GNG2: variants seen among roughly 807,000 people sequenced by gnomAD.
The protein encoded by GNG2 is guanine nucleotide-binding protein G(I)/G(S)/G(O) subunit gamma-2.
A neutral mutation model predicts 5.5 loss-of-function variants in GNG2; 5 were observed. That is an observed-to-expected ratio of 0.91 (90% CI 0.48 to 1.92). The LOEUF (loss-of-function observed/expected upper bound fraction) is 1.92, where lower values mean the gene tolerates loss of function less well. Among genes scored for constraint, GNG2 ranks in the 30% most tolerant of loss-of-function variants. GNG2 has a pLI of 0.01. For missense variants in GNG2, 55 were observed against 88.4 expected (o/e 0.62, Z 1.52); for synonymous variants, 28 against 32.0 (o/e 0.88, Z 0.42).
chr14:51,854,813 G>A (rs556755777), intron 2 of GNG2, among the ~76,000 whole-genome samples: 22 of 152,132 alleles, frequency 1.4e-4, no homozygotes, highest in East Asian at 1.2e-3. Context: ...GCACCCGGCC[G>A]GCCGTGGCTC....
intron 2 of GNG2, among the ~76,000 whole-genome samples, chr14:51,878,524 C>G (rs1481232231): frequency 1.3e-5 from 2 of 152,050 alleles, no homozygotes; most frequent in Non-Finnish European, 2.9e-5. Flanking sequence ...TTAGGGGATA[C>G]AGCAAATGCT....
intron 2 of GNG2, among the ~76,000 whole-genome samples, chr14:51,932,140 G>A (rs953906489): frequency 6.0e-5 from 9 of 151,160 alleles, no homozygotes; most frequent in East Asian, 2.0e-4. Flanking sequence ...CCAGCTACTT[G>A]GGAGGCTGAG....
chr14:51,885,990 C>G (rs1310212042), intron 2 of GNG2, among the ~76,000 whole-genome samples: 15 of 152,144 alleles, frequency 9.9e-5, no homozygotes, highest in Non-Finnish European at 2.1e-4. Flanking sequence ...GATAATACCT[C>G]TCAATGAGGA....
At chr14:51,851,266 A>G (rs1881895576) in intron 2 of GNG2, among the ~76,000 whole-genome samples, 1 of 152,194 alleles carries the variant, frequency 6.6e-6, no homozygotes. Flanking sequence ...AAAAGATATA[A>G]CTTGGCTCCC....
chr14:51,892,038 A>C (rs762629189), intron 2 of GNG2, among the ~76,000 whole-genome samples: 1 of 152,240 alleles, frequency 6.6e-6, no homozygotes, highest in Non-Finnish European at 1.5e-5. Flanking sequence ...TTAGCAGTAT[A>C]AGAGTTCCTC....
intron 1 of GNG2, 28 bp downstream of exon 1, chr14:51,860,818 G>A (rs1286040578): frequency 6.6e-6 from 1 of 151,048 alleles, no homozygotes; most frequent in Admixed American, 6.6e-5. Context: ...CATGTTGCTC[G>A]TTTTTAATTG....
chr14:51,908,736 A>ATTTTTTTTTTTTTTTT (rs3030340), intron 2 of GNG2, among the ~76,000 whole-genome samples: 1 of 89,880 alleles, frequency 1.1e-5, no homozygotes, highest in Non-Finnish European at 2.1e-5. Context: ...CACCCAGCTA[A>ATTTTTTTTTTTTTTTT]TTTTTTTTTT....
chr14:51,943,717 G>T (rs1594944936), intron 2 of GNG2, among the ~76,000 whole-genome samples: 2 of 152,122 alleles, frequency 1.3e-5, no homozygotes, highest in African/African-American at 2.4e-5. Context: ...GCATCAAAAA[G>T]AATAAAATAG....
intron 2 of GNG2, chr14:51,914,185 A>G: frequency 1.4e-6 from 1 of 702,090 alleles, no homozygotes; most frequent in Non-Finnish European, 2.6e-6. Flanking sequence ...TATGTCTGCC[A>G]CCACTCTGAT....
chr14:51,887,721 C>A (rs1884566003), intron 2 of GNG2, among the ~76,000 whole-genome samples: 1 of 152,116 alleles, frequency 6.6e-6, no homozygotes, highest in Non-Finnish European at 1.5e-5. Context: ...ACTGTGACCA[C>A]CTTGGCAAAT....
At chr14:51,933,562 G>A (rs566628632) in intron 2 of GNG2, among the ~76,000 whole-genome samples, 3 of 152,280 alleles carry the variant, frequency 2.0e-5, no homozygotes, top group African/African-American at 7.2e-5. Context: ...CAATGGCATT[G>A]CTTTAGTAAG....
intron 2 of GNG2, among the ~76,000 whole-genome samples, chr14:51,906,035 G>A (rs1445326800): frequency 2.0e-5 from 3 of 152,154 alleles, no homozygotes; most frequent in South Asian, 2.1e-4. Context: ...GGTACCCTTC[G>A]GTACAACAGA....
intron 3 of GNG2, among the ~76,000 whole-genome samples, chr14:51,961,735 A>T (rs749222528): frequency 6.6e-6 from 1 of 152,214 alleles, no homozygotes; most frequent in African/African-American, 2.4e-5. Flanking sequence ...GAGGAGATGA[A>T]GAGAACAATA....
intron 2 of GNG2, 43 bp from the exon 3 acceptor site, chr14:51,950,607 C>T (rs762379438): frequency 5.7e-6 from 7 of 1,224,596 alleles, no homozygotes; most frequent in African/African-American, 4.6e-5. Flanking sequence ...TTTGCTGGCT[C>T]ATGAATTCTC....
chr14:51,927,045 C>T (rs1218702196), intron 2 of GNG2, among the ~76,000 whole-genome samples: 1 of 152,244 alleles, frequency 6.6e-6, no homozygotes, highest in Non-Finnish European at 1.5e-5. Flanking sequence ...TTACAGTCAT[C>T]ACACTTCTTT....
At chr14:51,880,848 C>T (rs1884001073) in intron 2 of GNG2, among the ~76,000 whole-genome samples, 1 of 150,968 alleles carries the variant, frequency 6.6e-6, no homozygotes, top group East Asian at 2.0e-4. Context: ...TTTGAGTGAA[C>T]CAAATAATGA....
At chr14:51,919,772 A>G (rs1015453684) in intron 2 of GNG2, among the ~76,000 whole-genome samples, 1 of 152,266 alleles carries the variant, frequency 6.6e-6, no homozygotes, top group Non-Finnish European at 1.5e-5. Flanking sequence ...ACAGATGTTT[A>G]TCAGGCAAAA....
chr14:51,866,570 C>CT (rs80078657), intron 1 of GNG2, among the ~76,000 whole-genome samples: 106 of 145,830 alleles, frequency 7.3e-4, no homozygotes, highest in Non-Finnish European at 7.1e-4. Flanking sequence ...CAACAGAAAT[C>CT]TTTTTTTTTT....
intron 3 of GNG2, among the ~76,000 whole-genome samples, chr14:51,953,186 G>A (rs547962875): frequency 1.6e-4 from 24 of 152,176 alleles, no homozygotes; most frequent in South Asian, 2.1e-4. Context: ...TCCTAGACCC[G>A]CATCATAAGG....
Sources: gnomAD v4.1 joint callset for allele counts (sites outside exome capture counted in the v4.1 genomes callset) on GRCh38, gnomAD v4.1.1 for gene constraint, MANE v1.5 for transcripts, NCBI Gene and HGNC (gene_info 2026-07-23, HGNC 2026-07-21) for gene names.